ATP9A: variants seen among roughly 807,000 people sequenced by gnomAD.
The protein encoded by ATP9A is probable phospholipid-transporting ATPase IIA.
ATP9A carries 52 observed loss-of-function variants against 144.1 expected under a neutral mutation model. That is an observed-to-expected ratio of 0.36 (90% CI 0.29 to 0.45). The LOEUF (loss-of-function observed/expected upper bound fraction) is 0.45, where lower values mean the gene tolerates loss of function less well. Among genes scored for constraint, ATP9A ranks in the 20% least tolerant of loss-of-function variants. ATP9A has a pLI of 1.00. For synonymous variants in ATP9A, 582 were observed against 557.4 expected (o/e 1.04, Z -0.62); for missense variants, 947 against 1,392.7 (o/e 0.68, Z 5.09).
chr20:51,718,593 G>A (rs112050146), intron 3 of ATP9A, among the ~76,000 whole-genome samples: 178 of 151,628 alleles, frequency 1.2e-3, no homozygotes, highest in African/African-American at 4.1e-3. Context: ...CAAGGTGGGC[G>A]GATCACATGA....
In ATP9A at chr20:51,676,345, C is replaced by T. The variant is rs150615765; in HGVS notation, c.800-137G>A. ...TGAGACAGAGTCTTGCTCTGTTGCT[C>T]ATGCTGGAGTCTGGAGTGCAGTGGC... On this transcript the variant is annotated intron_variant, in intron 9 of 27. Coordinates refer to ENST00000338821, the MANE Select transcript of ATP9A (RefSeq NM_006045.3). The T allele has an allele frequency of 6.9e-4, 436 of 634,832 alleles. 2 individuals are homozygous for T. In the African/African-American group the frequency reaches 7.6e-3, roughly 11 times the overall value. The allele number at this position is 634,832 out of a possible 1,614,324, so 39.3% of individuals were successfully genotyped here. A position where few individuals can be genotyped will look rare whatever the true frequency, so the allele number is the denominator to read the frequency against.
intron 1 of ATP9A, among the ~76,000 whole-genome samples, chr20:51,754,673 G>A (rs1242120623): frequency 6.8e-6 from 1 of 146,768 alleles, no homozygotes; most frequent in African/African-American, 2.5e-5. Context: ...AAAAATCACT[G>A]GGCATGGTGG....
intron 9 of ATP9A, among the ~76,000 whole-genome samples, chr20:51,680,196 C>T (rs753949709): frequency 6.2e-5 from 9 of 145,652 alleles, no homozygotes; most frequent in Non-Finnish European, 1.3e-4. Flanking sequence ...CACCACTGCA[C>T]GCCAGCCTGA....
Position 51,729,007 on chromosome 20 carries a change from T to A in ATP9A, c.213+827A>T, listed in dbSNP as rs1601132382. Among the ~76,000 whole-genome samples the A allele has an allele frequency of 2.0e-5, 3 of 152,278 alleles. No individual in the cohort carries two copies. The East Asian group carries it at 5.8e-4, about 29-fold the overall frequency. On this transcript the variant is annotated intron_variant, in intron 2 of 27. Transcript: ENST00000338821. ...GTACATGTCCACAGATTTGTGTAAG[T>A]TAATGTGGAAGTGTTATGCCACCAG...
Position 51,599,747 on chromosome 20 carries a change from A to C in ATP9A, c.*1464T>G, listed in dbSNP as rs3827044. Reference sequence around the variant, plus strand: ...CATCAGAAACCAGGCTGTGATGTACATCTCTGAAGCACACAGAAGTAGCGC... The same window carrying C: ...CATCAGAAACCAGGCTGTGATGTACCTCTCTGAAGCACACAGAAGTAGCGC... On this transcript the variant is annotated 3_prime_UTR_variant, in exon 28 of 28. Transcript: ENST00000338821. 42,655 of 152,128 alleles carry C rather than the reference A, an allele frequency of 0.28. 6,339 individuals are homozygous for C. The highest frequency in any genetic ancestry group is 0.49 in the East Asian group (2,512 of 5,154). The allele number at this position is 152,128 out of a possible 1,614,324, so 9.4% of individuals were successfully genotyped here.
At chr20:51,673,683 G>A (rs1303852986) in intron 11 of ATP9A, among the ~76,000 whole-genome samples, 1 of 152,142 alleles carries the variant, frequency 6.6e-6, no homozygotes, top group Non-Finnish European at 1.5e-5. Context: ...GTGATCTTCT[G>A]GTGCTAGAGC....
intron 15 of ATP9A, among the ~76,000 whole-genome samples, chr20:51,631,984 A>G (rs1297170285): frequency 1.3e-5 from 2 of 152,264 alleles, no homozygotes; most frequent in African/African-American, 4.8e-5. Flanking sequence ...ATGTTTAAAA[A>G]AGAGACAGGG....
intron 15 of ATP9A, among the ~76,000 whole-genome samples, chr20:51,635,664 G>T (rs1041957166): frequency 2.0e-5 from 3 of 151,638 alleles, no homozygotes; most frequent in African/African-American, 7.3e-5. Flanking sequence ...TTGAGCCTGG[G>T]AGGTCGAGGC....
chr20:51,662,440 C>A (rs1434760563), intron 13 of ATP9A, among the ~76,000 whole-genome samples: 1 of 151,130 alleles, frequency 6.6e-6, no homozygotes, highest in East Asian at 2.0e-4. Flanking sequence ...AGCTACTCGG[C>A]AGGCTGAGGC....
rs138020637 is a variant in ATP9A, at chr20:51,649,644, G to A, written c.1506+7294C>T. ...AAATCGCACAGCTAGGCCGGGTGCA[G>A]TAGTTCACGCCTGTAATCCCAGCAC... is the stretch of plus-strand genomic sequence containing the variant. On this transcript the variant is annotated intron_variant, in intron 14 of 27. Transcript: ENST00000338821. 1.8e-4 allele frequency among the ~76,000 whole-genome samples: 27 copies of A among 152,362 alleles called. No individual in the cohort carries two copies. The East Asian group carries it at 5.2e-3, about 29-fold the overall frequency.
intron 1 of ATP9A, among the ~76,000 whole-genome samples, chr20:51,751,798 C>T (rs1467041611): frequency 1.3e-5 from 2 of 152,076 alleles, no homozygotes; most frequent in African/African-American, 4.8e-5. Flanking sequence ...CCGTGTTAGC[C>T]AGGATGGTCT....
chr20:51,630,767 T>G (rs1194034876), intron 15 of ATP9A, among the ~76,000 whole-genome samples: 1 of 152,178 alleles, frequency 6.6e-6, no homozygotes, highest in Admixed American at 6.5e-5. Flanking sequence ...CCCAGTCCCA[T>G]GAACACCCCC....
At chr20:51,760,539 C>G (rs2077874910) in intron 1 of ATP9A, among the ~76,000 whole-genome samples, 1 of 151,154 alleles carries the variant, frequency 6.6e-6, no homozygotes, top group Admixed American at 6.6e-5. Context: ...CTAGCCTGGC[C>G]AACATGGCGA....
At chr20:51,700,321 G>A (rs1460352849) in intron 4 of ATP9A, among the ~76,000 whole-genome samples, 3 of 152,112 alleles carry the variant, frequency 2.0e-5, no homozygotes, top group Non-Finnish European at 4.4e-5. Flanking sequence ...ATTAGTTCAA[G>A]ACCAGCCTAG....
intron 4 of ATP9A, among the ~76,000 whole-genome samples, chr20:51,706,467 G>A (rs1280797313): frequency 6.6e-6 from 1 of 152,204 alleles, no homozygotes; most frequent in African/African-American, 2.4e-5. Context: ...CTATCTAGAA[G>A]ACTACAGACT....
chr20:51,743,738 G>A (rs1164700058), intron 1 of ATP9A, among the ~76,000 whole-genome samples: 6 of 926 alleles, frequency 6.5e-3, no homozygotes, highest in Admixed American at 0.014. Flanking sequence ...GGCCGGGCAC[G>A]GTCGTCACGC....
chr20:51,712,229 T>G (rs559261841), intron 4 of ATP9A, among the ~76,000 whole-genome samples: 2 of 152,104 alleles, frequency 1.3e-5, no homozygotes, highest in East Asian at 3.9e-4. Context: ...CCCGCCACCA[T>G]GCCCGGCTAA....
intron 4 of ATP9A, 150 bp downstream of exon 4, chr20:51,712,816 G>A (rs2077645328): frequency 4.4e-6 from 3 of 689,408 alleles, no homozygotes; most frequent in South Asian, 3.4e-5. Flanking sequence ...CAGGGCAGAT[G>A]GAGGCCTCCC....
intron 1 of ATP9A, among the ~76,000 whole-genome samples, chr20:51,736,314 C>G (rs767856738): frequency 3.9e-5 from 6 of 152,196 alleles, no homozygotes; most frequent in Non-Finnish European, 8.8e-5. Flanking sequence ...ACTCCATACA[C>G]AGTGTGGATC....
Sources: allele counts gnomAD v4.1 joint callset (sites outside exome capture counted in the v4.1 genomes callset), GRCh38; gene constraint gnomAD v4.1.1; transcripts MANE v1.5; gene names NCBI Gene and HGNC (gene_info 2026-07-23, HGNC 2026-07-21).